The following PVT1 variants were observed in gnomAD, a reference collection of about 807,000 sequenced individuals.
PVT1 encodes the protein Pvt1 oncogene.
chr8:128,069,447 G>A (rs978878558), intron 4 of PVT1, among the ~76,000 whole-genome samples: 6 of 152,304 alleles, frequency 3.9e-5, no homozygotes, highest in East Asian at 1.9e-4. Context: ...TGGGCACAGC[G>A]CACACTGCTG....
rs567868650 is a variant in PVT1 at position 128,053,369 on chromosome 8, A to G, written n.913-16791A>G. Among the ~76,000 whole-genome samples, 58 of 150,818 alleles carry G rather than the reference A, an allele frequency of 3.8e-4. 1 individual carries two copies. Among genetic ancestry groups the G allele is most frequent in the Non-Finnish European group, 7.8e-4 (53 of 67,778 alleles). On this transcript the variant is annotated intron_variant and non_coding_transcript_variant, in intron 4 of 10. Transcript: ENST00000651587. ...ATCTTGGAGGGCTATATATACATAT[A>G]TATATACACACACACACACATATAT...
At chr8:127,806,277 A>G (rs991266600) in intron 2 of PVT1, among the ~76,000 whole-genome samples, 2 of 152,154 alleles carry the variant, frequency 1.3e-5, no homozygotes, top group African/African-American at 4.8e-5. Context: ...CCTGGCCAAC[A>G]TGGTAAAACC....
intron 4 of PVT1, among the ~76,000 whole-genome samples, chr8:128,002,802 CAT>C (rs781390590): frequency 4.6e-5 from 7 of 152,228 alleles, no homozygotes; most frequent in Non-Finnish European, 8.8e-5. Context: ...AGGACTTCAA[CAT>C]AACACTTCTG....
rs114664340 is a variant in PVT1, at chr8:127,975,934, C to T, written n.783-13228C>T. ...CCTGTGGAGCTGGAGGCTTCTCTAG[C>T]CCTGTTTGTCTCTGCCTGTCTGACA... On this transcript the variant is annotated intron_variant and non_coding_transcript_variant, in intron 3 of 10. Transcript: ENST00000651587. Among the ~76,000 whole-genome samples, 504 of 152,310 alleles carry T rather than the reference C, an allele frequency of 3.3e-3. 3 individuals carry two copies. The highest frequency in any genetic ancestry group is 0.012 in the African/African-American group (487 of 41,556).
At chr8:127,818,369 A>G (rs139966583) in intron 2 of PVT1, among the ~76,000 whole-genome samples, 2 of 152,270 alleles carry the variant, frequency 1.3e-5, no homozygotes, top group African/African-American at 4.8e-5. Flanking sequence ...AATAGCTGTT[A>G]ATTCCTGTGC....
chr8:127,809,807 T>TCATG (rs1242628856), intron 2 of PVT1, among the ~76,000 whole-genome samples: 2 of 152,160 alleles, frequency 1.3e-5, no homozygotes, highest in East Asian at 3.8e-4. Context: ...CCCACTTAGG[T>TCATG]CATGATTCAT....
At chr8:127,939,415 T>C (rs1161402833) in intron 3 of PVT1, 2 of 151,980 alleles carry the variant, frequency 1.3e-5, no homozygotes, top group Non-Finnish European at 2.9e-5. Context: ...AGGTGCGGGG[T>C]CTCTCAAAGC....
At chr8:127,826,924 A>G (rs1001388921) in intron 2 of PVT1, among the ~76,000 whole-genome samples, 1 of 151,740 alleles carries the variant, frequency 6.6e-6, no homozygotes, top group African/African-American at 2.4e-5. Flanking sequence ...TTGGTTTTGT[A>G]GCTGTCTATC....
chr8:127,902,580 C>T (rs1450448562), intron 3 of PVT1, among the ~76,000 whole-genome samples: 1 of 151,914 alleles, frequency 6.6e-6, no homozygotes, highest in African/African-American at 2.4e-5. Flanking sequence ...ATCCTTGTCC[C>T]CCTCTTTTCC....
At chr8:127,899,208 C>T (rs531855836) in intron 3 of PVT1, among the ~76,000 whole-genome samples, 125 of 152,294 alleles carry the variant, frequency 8.2e-4, no homozygotes, top group Non-Finnish European at 1.1e-3. Context: ...GTTAGAAAAT[C>T]CCTGAGGCTT....
chr8:127,857,436 G>T (rs1372158571), intron 2 of PVT1, among the ~76,000 whole-genome samples: 2 of 152,164 alleles, frequency 1.3e-5, no homozygotes, highest in Non-Finnish European at 1.5e-5. Flanking sequence ...ACTTTTAGAG[G>T]CTGAGGCAGG....
At chr8:127,809,665 T>C (rs571034978) in intron 2 of PVT1, among the ~76,000 whole-genome samples, 1 of 152,296 alleles carries the variant, frequency 6.6e-6, no homozygotes, top group South Asian at 2.1e-4. Flanking sequence ...TTTCCCATTT[T>C]TTCAAAAGGA....
In PVT1 at chr8:127,930,964, G is replaced by A. The variant is rs557348442; in HGVS notation, n.782+39966G>A. On this transcript the variant is annotated intron_variant and non_coding_transcript_variant, in intron 3 of 10. Coordinates refer to ENST00000651587, the Ensembl canonical transcript of PVT1. Reference sequence around the variant, plus strand: ...GTCTTGCTCTGTCACCCAGGCTGGAGTTCAGTGGTGCCGTCACTGCAGCCT... The same window carrying A: ...GTCTTGCTCTGTCACCCAGGCTGGAATTCAGTGGTGCCGTCACTGCAGCCT... Among the ~76,000 whole-genome samples, 221 of 152,290 alleles carry A rather than the reference G, an allele frequency of 1.5e-3. 7 individuals carry two copies. In the South Asian group the frequency reaches 0.039, roughly 27 times the overall value.
chr8:127,853,493 G>A (rs1368681989), intron 2 of PVT1, among the ~76,000 whole-genome samples: 1 of 152,110 alleles, frequency 6.6e-6, no homozygotes, highest in African/African-American at 2.4e-5. Context: ...AAAAGTGAAT[G>A]AGAGGAGCCA....
chr8:127,961,566 C>A (rs1352471073), intron 3 of PVT1, among the ~76,000 whole-genome samples: 1 of 152,150 alleles, frequency 6.6e-6, no homozygotes, highest in Non-Finnish European at 1.5e-5. Context: ...AGGGCTGTGC[C>A]CAAGACTGCA....
intron 3 of PVT1, among the ~76,000 whole-genome samples, chr8:127,945,950 T>C (rs2129916116): frequency 6.6e-6 from 1 of 152,254 alleles, no homozygotes; most frequent in Non-Finnish European, 1.5e-5. Context: ...TTCTCTGTAA[T>C]AAAGGACTAA....
intron 3 of PVT1, among the ~76,000 whole-genome samples, chr8:127,967,758 T>C (rs962727834): frequency 2.0e-5 from 3 of 152,246 alleles, no homozygotes; most frequent in Non-Finnish European, 4.4e-5. Flanking sequence ...ATGTCAGCTT[T>C]CTACATCCAG....
At chr8:127,956,856 A>G (rs1031757677) in intron 3 of PVT1, among the ~76,000 whole-genome samples, 1 of 152,186 alleles carries the variant, frequency 6.6e-6, no homozygotes, top group Non-Finnish European at 1.5e-5. Context: ...CTTGAGCTAG[A>G]GCCCTCCTTT....
At chr8:127,825,376 G>A (rs1814776230) in intron 2 of PVT1, among the ~76,000 whole-genome samples, 1 of 152,148 alleles carries the variant, frequency 6.6e-6, no homozygotes, top group African/African-American at 2.4e-5. Context: ...TTCCTCCATG[G>A]AGTTGCTTTC....
Sources: allele counts gnomAD v4.1 joint callset (sites outside exome capture counted in the v4.1 genomes callset), GRCh38; gene constraint gnomAD v4.1.1; transcripts MANE v1.5; gene names NCBI Gene and HGNC (gene_info 2026-07-23, HGNC 2026-07-21).